Variants in TTC6 observed in about 807,000 individuals in gnomAD.
The protein encoded by TTC6 is tetratricopeptide repeat domain 6.
Under a neutral mutation model 210.4 loss-of-function variants are expected in TTC6, and 172 were observed. The ratio of observed to expected loss-of-function variants is 0.82; its 90% CI spans 0.72 to 0.93. The LOEUF is 0.93. Ranked by LOEUF, TTC6 falls within the 40% of genes least tolerant of loss-of-function variation. The probability of loss-of-function intolerance (pLI) is 0.00; values close to 1 mark genes in which losing one functional copy is unlikely to be tolerated. For missense variants in TTC6, 2,414 were observed against 2,318.1 expected (o/e 1.04, Z -0.85); for synonymous variants, 804 against 819.6 (o/e 0.98, Z 0.32).
intron 6 of TTC6, among the ~76,000 whole-genome samples, chr14:37,721,106 GA>G (rs1389264097): frequency 4.7e-5 from 7 of 148,552 alleles, no homozygotes; most frequent in Admixed American, 4.0e-4. Flanking sequence ...AGAAAAATAA[GA>G]AAAAAAATGT....
intron 14 of TTC6, among the ~76,000 whole-genome samples, chr14:37,754,560 G>A (rs1215134726): frequency 6.6e-6 from 1 of 152,042 alleles, no homozygotes; most frequent in East Asian, 1.9e-4. Context: ...AGCCTTCCGA[G>A]TAGTTGGGAT....
intron 2 of TTC6, among the ~76,000 whole-genome samples, chr14:37,607,260 A>C (rs1595000561): frequency 6.6e-6 from 1 of 152,342 alleles, no homozygotes; most frequent in Admixed American, 6.5e-5. Flanking sequence ...AACTAGGTCC[A>C]GTGACCGAGG....
At chr14:37,648,477 C>T (rs2095705605) in intron 1 of TTC6, among the ~76,000 whole-genome samples, 1 of 152,058 alleles carries the variant, frequency 6.6e-6, no homozygotes, top group Admixed American at 6.6e-5. Context: ...AGAGTTTTTG[C>T]ATTTGTCTTC....
chr14:37,761,925 AT>A (rs2095985807), intron 14 of TTC6, among the ~76,000 whole-genome samples: 1 of 151,956 alleles, frequency 6.6e-6, no homozygotes, highest in Non-Finnish European at 1.5e-5. Flanking sequence ...AATACTTACC[AT>A]TTTTTCCTCC....
chr14:37,787,823 A>G (rs1415526256), intron 15 of TTC6, among the ~76,000 whole-genome samples, 186 bp downstream of exon 17: 1 of 152,100 alleles, frequency 6.6e-6, no homozygotes. Flanking sequence ...TATACAATAT[A>G]TGAATATATA....
exon 28 of TTC6, chr14:37,826,334 A>C (rs779484571): frequency 6.2e-6 from 10 of 1,602,872 alleles, no homozygotes; most frequent in East Asian, 2.2e-5. Flanking sequence ...CAGGATATTA[A>C]TGCTGCCATG....
exon 29 of TTC6, chr14:37,827,286 G>A (rs1477602078): frequency 1.2e-6 from 2 of 1,613,254 alleles, no homozygotes; most frequent in Admixed American, 1.7e-5. Flanking sequence ...CTACCAAGAT[G>A]CAATTACTCT....
intron 1 of TTC6, among the ~76,000 whole-genome samples, chr14:37,671,085 C>T (rs1220308239): frequency 6.6e-6 from 1 of 152,096 alleles, no homozygotes; most frequent in East Asian, 1.9e-4. Flanking sequence ...TAATTCTAGC[C>T]TGTGGGCTTG....
intron 5 of TTC6, among the ~76,000 whole-genome samples, chr14:37,707,317 G>A (rs1277222337): frequency 6.6e-6 from 1 of 151,920 alleles, no homozygotes; most frequent in Non-Finnish European, 1.5e-5. Context: ...TTCAGTATAA[G>A]ACTTTTTTGT....
At position 37,714,710 on chromosome 14, in the gene TTC6, C is replaced by T. The variant is rs567450294; in HGVS notation, c.1627C>T (p.Pro543Ser). ...CAACCAAGAATATGTCCATATTCCT[C>T]CGACACCGCAAGGGATACCACCTGA... Residue 543 changes from proline to serine, a missense_variant, in exon 6 of 31, where the codon CCG becomes TCG. Transcript: ENST00000553443. 32 of 1,535,436 alleles carry T rather than the reference C, an allele frequency of 2.1e-5. No individual in the cohort carries two copies. In the East Asian group the frequency reaches 6.8e-4, roughly 33 times the overall value.
chr14:37,632,850 C>T (rs2095672568), intron 1 of TTC6, among the ~76,000 whole-genome samples: 1 of 152,218 alleles, frequency 6.6e-6, no homozygotes, highest in Non-Finnish European at 1.5e-5. Flanking sequence ...AGTCTGGCTA[C>T]AGCCAAGCTG....
chr14:37,643,586 T>G (rs1229780128), intron 1 of TTC6, among the ~76,000 whole-genome samples: 3 of 152,124 alleles, frequency 2.0e-5, no homozygotes, highest in Non-Finnish European at 4.4e-5. Context: ...GTAAGTAAAA[T>G]TCCCTGTACC....
chr14:37,649,510 C>T (rs986444166), intron 1 of TTC6, among the ~76,000 whole-genome samples: 18 of 152,196 alleles, frequency 1.2e-4, no homozygotes, highest in Non-Finnish European at 4.4e-5. Context: ...GGAAATGGCA[C>T]TGAAACTCAT....
At chr14:37,799,675 T>C (rs984877335) in intron 20 of TTC6, among the ~76,000 whole-genome samples, 9 of 152,148 alleles carry the variant, frequency 5.9e-5, no homozygotes, top group Non-Finnish European at 1.0e-4. Context: ...GAGGGTATCA[T>C]GGTAGGGAAC....
At position 37,790,708 on chromosome 14, in the gene TTC6, C is replaced by A. The variant is rs572601496; in HGVS notation, c.3437-9C>A. 10 of 1,530,106 alleles carry A rather than the reference C, an allele frequency of 6.5e-6. No homozygotes were observed. In the African/African-American group the frequency reaches 1.4e-4, roughly 21 times the overall value. The allele number at this position is 1,530,106 out of a possible 1,614,324, so 94.8% of individuals were successfully genotyped here. A position where few individuals can be genotyped will look rare whatever the true frequency, so the allele number is the denominator to read the frequency against. On this transcript the variant is annotated splice_polypyrimidine_tract_variant and intron_variant, in intron 15 of 30. Coordinates refer to ENST00000553443, the Ensembl canonical transcript of TTC6. ...CCTGAATGAAATACATTTTTTTAAA[C>A]TTTTTAAGCACTCATAAATGATGGC...
chr14:37,723,433 A>T (rs2095865666), intron 6 of TTC6, among the ~76,000 whole-genome samples: 1 of 152,198 alleles, frequency 6.6e-6, no homozygotes, highest in African/African-American at 2.4e-5. Flanking sequence ...CTATATGTAA[A>T]CATCTGTATC....
intron 29 of TTC6, among the ~76,000 whole-genome samples, chr14:37,835,385 T>C (rs1326834464): frequency 2.6e-5 from 4 of 152,166 alleles, no homozygotes; most frequent in Non-Finnish European, 4.4e-5. Context: ...CCAATGTTAA[T>C]AAGAATAAAC....
intron 1 of TTC6, among the ~76,000 whole-genome samples, chr14:37,634,278 G>GA (rs985878827): frequency 2.7e-4 from 40 of 150,126 alleles, no homozygotes; most frequent in South Asian, 6.3e-4. Context: ...TCTCAGTAAA[G>GA]AAAAAAAAAT....
At chr14:37,683,101 G>A (rs1416260653) in intron 3 of TTC6, 137 bp downstream of exon 5, 5 of 712,264 alleles carry the variant, frequency 7.0e-6, no homozygotes, top group Non-Finnish European at 9.0e-6. Flanking sequence ...TGAAAAGGGG[G>A]CCTCAGAAGT....
Sources: gnomAD v4.1 joint callset for allele counts (sites outside exome capture counted in the v4.1 genomes callset) on GRCh38, gnomAD v4.1.1 for gene constraint, MANE v1.5 for transcripts, NCBI Gene and HGNC (gene_info 2026-07-23, HGNC 2026-07-21) for gene names.